Variants in CADM2 observed in about 807,000 individuals in gnomAD.
CADM2 encodes the protein immunoglobulin superfamily member 4D.
CADM2 carries 12 observed loss-of-function variants against 49.8 expected under a neutral mutation model. The ratio of observed to expected loss-of-function variants is 0.24; its 90% CI spans 0.15 to 0.39. CADM2 has a LOEUF of 0.39. Ranked by LOEUF, CADM2 falls within the 10% of genes least tolerant of loss-of-function variation. CADM2 has a pLI of 1.00. For missense variants in CADM2, 378 were observed against 492.3 expected (o/e 0.77, Z 2.20); for synonymous variants, 214 against 175.4 (o/e 1.22, Z -1.74).
rs985848418 is a variant in CADM2 at position 85,535,204 on chromosome 3, A to G, written c.62-191318A>G. ...CCTTATTTAAATCTTATGAAATGTC[A>G]CCTGCCATTCAATCTACACACCAGT... On this transcript the variant is annotated intron_variant, in intron 1 of 9. Coordinates refer to ENST00000383699, the MANE Select transcript of CADM2 (RefSeq NM_001167675.2). Among the ~76,000 whole-genome samples, 11 of 151,380 alleles carry G rather than the reference A, an allele frequency of 7.3e-5. 1 individual carries two copies. The highest frequency in any genetic ancestry group is 2.7e-4 in the African/African-American group (11 of 41,114).
At chr3:85,468,846 A>G (rs2038639195) in intron 1 of CADM2, among the ~76,000 whole-genome samples, 1 of 152,198 alleles carries the variant, frequency 6.6e-6, no homozygotes, top group South Asian at 2.1e-4. Flanking sequence ...ACTGTGGGCA[A>G]CTGGAGCTCA....
intron 8 of CADM2, among the ~76,000 whole-genome samples, chr3:86,028,419 C>T (rs1160080129): frequency 6.6e-6 from 1 of 151,944 alleles, no homozygotes; most frequent in Non-Finnish European, 1.5e-5. Context: ...CTAACAGTTG[C>T]TATAAAATAG....
At chr3:85,379,149 C>G (rs919669398) in intron 1 of CADM2, among the ~76,000 whole-genome samples, 7 of 151,820 alleles carry the variant, frequency 4.6e-5, no homozygotes, top group Non-Finnish European at 1.5e-5. Flanking sequence ...TATCCAAAAG[C>G]AACAAAAATA....
At chr3:85,680,337 G>C (rs954885063) in intron 1 of CADM2, among the ~76,000 whole-genome samples, 2 of 152,004 alleles carry the variant, frequency 1.3e-5, no homozygotes, top group African/African-American at 2.4e-5. Flanking sequence ...GCTTCCTCTA[G>C]AGAAAAGATA....
chr3:85,119,979 C>T (rs1317516661), intron 1 of CADM2, among the ~76,000 whole-genome samples: 1 of 152,050 alleles, frequency 6.6e-6, no homozygotes, highest in Non-Finnish European at 1.5e-5. Context: ...TGAACTTAAA[C>T]AAATTTACAA....
At chr3:85,017,587 C>T (rs1428373300) in intron 1 of CADM2, among the ~76,000 whole-genome samples, 1 of 152,108 alleles carries the variant, frequency 6.6e-6, no homozygotes, top group Non-Finnish European at 1.5e-5. Context: ...AAAATTCAAT[C>T]TCATCTTTTT....
At chr3:85,240,792 T>A (rs909302023) in intron 1 of CADM2, among the ~76,000 whole-genome samples, 5 of 151,576 alleles carry the variant, frequency 3.3e-5, no homozygotes, top group African/African-American at 1.2e-4. Flanking sequence ...TAGATGCACC[T>A]ATTATTTTGT....
At chr3:85,205,854 A>G (rs1451215285) in intron 1 of CADM2, among the ~76,000 whole-genome samples, 4 of 152,268 alleles carry the variant, frequency 2.6e-5, no homozygotes, top group Admixed American at 6.5e-5. Flanking sequence ...GTTTTTAGAA[A>G]TCTCTTTTGT....
intron 1 of CADM2, among the ~76,000 whole-genome samples, chr3:85,091,970 C>T (rs1057458897): frequency 6.6e-6 from 1 of 152,092 alleles, no homozygotes; most frequent in African/African-American, 2.4e-5. Context: ...GTATATGTAA[C>T]TAGATATTCA....
intron 1 of CADM2, among the ~76,000 whole-genome samples, chr3:85,368,008 C>A (rs1159396156): frequency 2.0e-5 from 3 of 151,892 alleles, no homozygotes; most frequent in Non-Finnish European, 4.4e-5. Flanking sequence ...TAGACTACAA[C>A]GTAGAAGAAA....
At chr3:85,442,521 A>G (rs1444054434) in intron 1 of CADM2, among the ~76,000 whole-genome samples, 2 of 149,782 alleles carry the variant, frequency 1.3e-5, no homozygotes, top group Admixed American at 1.3e-4. Flanking sequence ...GGAAGTAATC[A>G]TGGTTAAGAA....
chr3:85,846,423 T>C (rs1273613720), intron 3 of CADM2, among the ~76,000 whole-genome samples: 1 of 152,162 alleles, frequency 6.6e-6, no homozygotes, highest in Non-Finnish European at 1.5e-5. Flanking sequence ...TTCAATTTCT[T>C]ATATGCCAAT....
chr3:86,009,091 TA>T (rs1731154187), intron 8 of CADM2, among the ~76,000 whole-genome samples: 1 of 121,426 alleles, frequency 8.2e-6, no homozygotes, highest in Non-Finnish European at 1.8e-5. Context: ...CTTGGTGTTA[TA>T]GTGTGTGTGT....
At chr3:85,282,429 A>T (rs1466828930) in intron 1 of CADM2, among the ~76,000 whole-genome samples, 71 of 124,030 alleles carry the variant, frequency 5.7e-4, no homozygotes, top group African/African-American at 1.4e-3. Context: ...TCTTGGCCAA[A>T]TTTTTTTTTT....
intron 1 of CADM2, among the ~76,000 whole-genome samples, chr3:85,221,324 C>G (rs1213883224): frequency 6.6e-6 from 1 of 152,058 alleles, no homozygotes; most frequent in African/African-American, 2.4e-5. Context: ...GAAAAAAATG[C>G]TAGTAATCTC....
At chr3:85,235,732 AT>A (rs2042393925) in intron 1 of CADM2, among the ~76,000 whole-genome samples, 1 of 151,954 alleles carries the variant, frequency 6.6e-6, no homozygotes, top group South Asian at 2.1e-4. Flanking sequence ...CTCTAAGGTT[AT>A]TTTTATGTCC....
rs528291325 is a variant in CADM2 at position 85,361,152 on chromosome 3, A to G, written c.62-365370A>G. ...ATAAACTTAGACACATTAAAATTTT[A>G]AAGGGTTTATTTGAGCATTGAACGA... On this transcript the variant is annotated intron_variant, in intron 1 of 9. Transcript: ENST00000383699. Among the ~76,000 whole-genome samples, 7 of 152,302 alleles carry G rather than the reference A, an allele frequency of 4.6e-5. No individual in the cohort carries two copies. The East Asian group carries it at 7.7e-4, about 17-fold the overall frequency.
chr3:85,729,490 TAG>T (rs3044018), intron 2 of CADM2, among the ~76,000 whole-genome samples: 107,225 of 151,418 alleles, frequency 0.71, 38,179 homozygotes, highest in African/African-American at 0.76. Flanking sequence ...GGGAAAGGGC[TAG>T]AGAGAGAGAG....
rs1298309985 is a variant in CADM2 at position 86,012,635 on chromosome 3, C to T, written c.970+50988C>T. ...CGACCTGGCCTTCTTCAGGTTCCCG[C>T]GGGACCCGGCCAGATGCCAGGAGTG... On this transcript the variant is annotated intron_variant, in intron 8 of 9. Transcript: ENST00000383699. The T allele has an allele frequency of 4.5e-6, 7 of 1,556,304 alleles. No individual in the cohort carries two copies. The East Asian group carries it at 1.4e-4, about 31-fold the overall frequency.
Sources: allele counts gnomAD v4.1 joint callset (sites outside exome capture counted in the v4.1 genomes callset), GRCh38; gene constraint gnomAD v4.1.1; transcripts MANE v1.5; gene names NCBI Gene and HGNC (gene_info 2026-07-23, HGNC 2026-07-21).